The following FRAS1 variants were observed in gnomAD, a reference collection of about 807,000 sequenced individuals.
The protein encoded by FRAS1 is Fraser extracellular matrix complex subunit 1, also known as extracellular matrix organizing protein FRAS1.
FRAS1 carries 290 observed loss-of-function variants against 435.2 expected under a neutral mutation model. The observed-to-expected ratio is 0.67, with a 90% CI of 0.61 to 0.73. The LOEUF is 0.73. Ranked by LOEUF, FRAS1 falls within the 30% of genes least tolerant of loss-of-function variation. FRAS1 has a pLI of 0.00. For synonymous variants in FRAS1, 1,800 were observed against 1,851.0 expected (o/e 0.97, Z 0.71); for missense variants, 4,860 against 5,001.5 (o/e 0.97, Z 0.85).
intron 70 of FRAS1, among the ~76,000 whole-genome samples, chr4:78,532,580 A>C (rs1274610861): frequency 6.6e-6 from 1 of 152,134 alleles, no homozygotes. Flanking sequence ...ATATTATTGC[A>C]ACTTTGCACC....
At chr4:78,382,780 C>T (rs989073864) in intron 27 of FRAS1, among the ~76,000 whole-genome samples, 11 of 152,280 alleles carry the variant, frequency 7.2e-5, no homozygotes, top group African/African-American at 1.7e-4. Context: ...AAAATAGTTC[C>T]GTAACCCCAA....
chr4:78,199,061 C>T (rs886890126), intron 2 of FRAS1, among the ~76,000 whole-genome samples: 1 of 152,048 alleles, frequency 6.6e-6, no homozygotes, highest in African/African-American at 2.4e-5. Flanking sequence ...CTGTGTTGTT[C>T]GAGGGTCAAA....
rs763463346 is a variant in FRAS1 at position 78,540,890 on chromosome 4, G to A, written c.11805G>A (p.Lys3935=). ...ACAGGAAATGCCAGAAACAGAGGAAGAAGAAGCCCGCAGAGGACATTTTGG... is the reference window on the plus strand; with the variant it reads ...ACAGGAAATGCCAGAAACAGAGGAAAAAGAAGCCCGCAGAGGACATTTTGG... ...FINRKCQKQR[K]KKPAEDILEE... is the part of the protein sequence containing the mutation. Residue 3935 remains lysine, a synonymous_variant, in exon 74 of 74, where the codon AAG becomes AAA. Coordinates refer to ENST00000512123, the MANE Select transcript of FRAS1 (RefSeq NM_025074.7). 30 of 1,613,898 alleles carry A rather than the reference G, an allele frequency of 1.9e-5. No individual in the cohort carries two copies. The highest frequency in any genetic ancestry group is 2.5e-5 in the Non-Finnish European group (30 of 1,179,912).
At chr4:78,232,777 T>A (rs1305502409) in intron 2 of FRAS1, among the ~76,000 whole-genome samples, 1 of 152,192 alleles carries the variant, frequency 6.6e-6, no homozygotes, top group East Asian at 1.9e-4. Flanking sequence ...TATTTTTGTG[T>A]GGGTAAACAA....
At chr4:78,514,954 G>A (rs905207816) in intron 65 of FRAS1, among the ~76,000 whole-genome samples, 4 of 151,628 alleles carry the variant, frequency 2.6e-5, no homozygotes, top group Admixed American at 2.0e-4. Flanking sequence ...TGTAATCCCA[G>A]CTACTCGGGA....
rs566334810 is a variant in FRAS1, at chr4:78,128,114, G to A, written c.108+62098G>A. Among the ~76,000 whole-genome samples, 20 of 152,102 alleles carry A rather than the reference G, an allele frequency of 1.3e-4. No individual in the cohort carries two copies. In the East Asian group the frequency reaches 3.7e-3, roughly 28 times the overall value. On this transcript the variant is annotated intron_variant, in intron 2 of 73. Coordinates refer to ENST00000512123, the MANE Select transcript of FRAS1 (RefSeq NM_025074.7). The stretch of plus-strand genomic sequence containing the variant: ...TTTTTATGGCTGCATAGTATTCCGT[G>A]GTGTATATGTGCCACATTTTCTTAA...
intron 47 of FRAS1, among the ~76,000 whole-genome samples, chr4:78,456,573 G>A (rs1719209333): frequency 6.6e-6 from 1 of 152,168 alleles, no homozygotes; most frequent in Admixed American, 6.5e-5. Flanking sequence ...TTAAGCAGGG[G>A]AGGAGTAATA....
intron 53 of FRAS1, among the ~76,000 whole-genome samples, chr4:78,474,258 A>G (rs2109853517): frequency 6.6e-6 from 1 of 152,332 alleles, no homozygotes; most frequent in African/African-American, 2.4e-5. Context: ...ACAGAGAGAT[A>G]CTGATTGTTA....
rs1356023863 is a variant in FRAS1, at chr4:78,333,263, T to C, written c.2138-9T>C. On this transcript the variant is annotated splice_polypyrimidine_tract_variant and intron_variant, in intron 18 of 73. Coordinates refer to ENST00000512123, the MANE Select transcript of FRAS1 (RefSeq NM_025074.7). ...CCTGATTGTCTCCTTTGCTTTATCT[T>C]TCCCCCAGCTTGCCACCAGTCCTGT... 5 of 1,600,304 alleles carry C rather than the reference T, an allele frequency of 3.1e-6. No homozygotes were observed. The highest frequency in any genetic ancestry group is 3.4e-6 in the Non-Finnish European group (4 of 1,173,830).
At chr4:78,471,857 C>T (rs948743682) in intron 51 of FRAS1, among the ~76,000 whole-genome samples, 5 of 152,208 alleles carry the variant, frequency 3.3e-5, no homozygotes, top group African/African-American at 1.2e-4. Context: ...AATCCATCCT[C>T]CTTCAACTCC....
chr4:78,274,293 GT>G (rs376434589), intron 9 of FRAS1, among the ~76,000 whole-genome samples: 8,902 of 152,094 alleles, frequency 0.059, 345 homozygotes, highest in Non-Finnish European at 0.09. Context: ...TTTTTGAAGG[GT>G]TTTTTGTGTC....
intron 2 of FRAS1, among the ~76,000 whole-genome samples, chr4:78,088,742 C>G (rs1469090096): frequency 6.6e-6 from 1 of 152,100 alleles, no homozygotes; most frequent in Non-Finnish European, 1.5e-5. Context: ...CCATCTCACA[C>G]CAGTTAGAAT....
At chr4:78,094,104 G>GTTTTTTTTTTTTTTTTTTTTTTT (rs71214395) in intron 2 of FRAS1, among the ~76,000 whole-genome samples, 1 of 106,616 alleles carries the variant, frequency 9.4e-6, no homozygotes, top group Non-Finnish European at 1.9e-5. Flanking sequence ...GAATAACCAA[G>GTTTTTTTTTTTTTTTTTTTTTTT]TTTTTTTTTT....
At position 78,522,057 on chromosome 4, in the gene FRAS1, C is replaced by T. The variant is rs1721401667; in HGVS notation, c.10648+427C>T. Among the ~76,000 whole-genome samples, 2 of 152,118 alleles carry T rather than the reference C, an allele frequency of 1.3e-5. 1 individual carries two copies. Among genetic ancestry groups the T allele is most frequent in the South Asian group, 4.1e-4 (2 of 4,828 alleles). ...AGTTCCAGTTATGATTCATATGTTA[C>T]ATTTTGATTGTTATATTGCTTTAGT... On this transcript the variant is annotated intron_variant, in intron 68 of 73. Transcript: ENST00000512123.
intron 15 of FRAS1, among the ~76,000 whole-genome samples, chr4:78,311,735 A>G (rs924433647): frequency 6.6e-6 from 1 of 152,226 alleles, no homozygotes; most frequent in Admixed American, 6.5e-5. Context: ...GGCATGATCA[A>G]GATTCTGATT....
chr4:78,143,882 T>G (rs1180217603), intron 2 of FRAS1, among the ~76,000 whole-genome samples: 91 of 138,472 alleles, frequency 6.6e-4, no homozygotes, highest in African/African-American at 2.5e-3. Flanking sequence ...CCAGCCTGGG[T>G]GATACAGTGA....
intron 20 of FRAS1, among the ~76,000 whole-genome samples, chr4:78,341,006 C>G (rs1285220989): frequency 6.6e-6 from 1 of 152,136 alleles, no homozygotes; most frequent in Non-Finnish European, 1.5e-5. Flanking sequence ...ATTCAGCCCA[C>G]AACAGAAGGG....
At chr4:78,280,935 A>G (rs1161802013) in intron 10 of FRAS1, among the ~76,000 whole-genome samples, 1 of 152,196 alleles carries the variant, frequency 6.6e-6, no homozygotes, top group African/African-American at 2.4e-5. Flanking sequence ...TTAAGAATTT[A>G]GGAGGTTTTA....
intron 9 of FRAS1, among the ~76,000 whole-genome samples, chr4:78,276,645 T>C (rs1403326372): frequency 6.6e-6 from 1 of 152,212 alleles, no homozygotes; most frequent in African/African-American, 2.4e-5. Context: ...TGCAGAACAG[T>C]AAATGTTGCT....
Sources: gnomAD v4.1 joint callset for allele counts (sites outside exome capture counted in the v4.1 genomes callset) on GRCh38, gnomAD v4.1.1 for gene constraint, MANE v1.5 for transcripts, NCBI Gene and HGNC (gene_info 2026-07-23, HGNC 2026-07-21) for gene names.